Variants in CCN5 observed in about 807,000 individuals in gnomAD.
CCN5 encodes the protein CCN family member 5.
CCN5 carries 17 observed loss-of-function variants against 18.7 expected under a neutral mutation model. That is an observed-to-expected ratio of 0.91 (90% CI 0.62 to 1.36). CCN5 has a LOEUF of 1.36. CCN5 is among the 40% of genes most tolerant of loss of function. The pLI is 0.00. For synonymous variants in CCN5, 135 were observed against 145.2 expected (o/e 0.93, Z 0.50); for missense variants, 367 against 342.9 (o/e 1.07, Z -0.56).
rs376593652 is a variant in CCN5 at position 44,720,072 on chromosome 20, A to T, written c.236A>T (p.Gln79Leu). ...VCDASQGLVC[Q>L]PGAGPGGRGA... ...GACGCCAGCCAGGGCCTGGTCTGCC[A>T]GCCCGGGGCAGGACCCGGTGGCCGG... The change falls in exon 2 of 4, where the codon CAG becomes CTG. Residue 79 changes from glutamine (Q) to leucine (L), a missense_variant. Physicochemically the swap from Gln to Leu is moderately radical, Grantham distance 113. Transcript: ENST00000190983. 5.1e-6 allele frequency: 8 copies of T among 1,577,370 alleles called. No individual in the cohort carries two copies. The highest frequency in any genetic ancestry group is 6.9e-6 in the Non-Finnish European group (8 of 1,167,680).
At chr20:44,716,449 C>G (rs1221287190) in intron 1 of CCN5, among the ~76,000 whole-genome samples, 1 of 152,230 alleles carries the variant, frequency 6.6e-6, no homozygotes, top group African/African-American at 2.4e-5. Flanking sequence ...GAGAACCACG[C>G]TGGCATCCTG....
chr20:44,725,102 T>TCA, intron 3 of CCN5, 110 bp downstream of exon 3: 3 of 1,369,520 alleles, frequency 2.2e-6, no homozygotes, highest in Non-Finnish European at 2.8e-6. Context: ...CAGGGACACA[T>TCA]CAGAAGCTGG....
At chr20:44,717,833 C>T (rs1459095118) in intron 1 of CCN5, among the ~76,000 whole-genome samples, 9 of 149,238 alleles carry the variant, frequency 6.0e-5, no homozygotes, top group Admixed American at 2.7e-4. Flanking sequence ...GAGTCGAGAT[C>T]GTGCCACTGC....
At chr20:44,717,024 A>G (rs2065864271) in intron 1 of CCN5, among the ~76,000 whole-genome samples, 1 of 152,136 alleles carries the variant, frequency 6.6e-6, no homozygotes, top group Non-Finnish European at 1.5e-5. Flanking sequence ...CCTGCCCCAG[A>G]TATCATGAGC....
At chr20:44,715,260 TGAGCGCGCGCGCGC>T (rs2065849567), upstream of CCN5, 2 of 190,916 alleles carry the variant, frequency 1.0e-5, no homozygotes, top group South Asian at 7.2e-5. Context: ...TGTGTGTGTG[TGAGCGCGCGCGCGC>T]GCGCGCGTGT....
chr20:44,725,043 G>A, intron 3 of CCN5, 51 bp downstream of exon 3: 1 of 1,466,294 alleles, frequency 6.8e-7, no homozygotes, highest in Non-Finnish European at 9.0e-7. Flanking sequence ...GGGGCGCCAA[G>A]GGCCACCTAG....
intron 3 of CCN5, among the ~76,000 whole-genome samples, chr20:44,726,609 A>G (rs2065937675): frequency 1.3e-5 from 2 of 152,100 alleles, no homozygotes; most frequent in African/African-American, 2.4e-5. Flanking sequence ...TTCTAGTGTA[A>G]GACTAGAAGG....
chr20:44,722,072 C>G (rs1254628399), intron 2 of CCN5, among the ~76,000 whole-genome samples: 1 of 152,204 alleles, frequency 6.6e-6, no homozygotes, highest in Non-Finnish European at 1.5e-5. Context: ...ACTTGGGTCC[C>G]TGGTCCTTCC....
chr20:44,721,242 C>T (rs1325902533), intron 2 of CCN5: 1 of 151,518 alleles, frequency 6.6e-6, no homozygotes, highest in Admixed American at 6.6e-5. Context: ...CACAGTGACT[C>T]ATGCCTATAA....
chr20:44,724,738 T>G lies in CCN5; in HGVS notation c.278T>G (p.Leu93Trp), dbSNP rs1056327406. The G allele has an allele frequency of 5.0e-6, 8 of 1,612,618 alleles. No homozygotes were observed. Among genetic ancestry groups the G allele is most frequent in the Non-Finnish European group, 6.8e-6 (8 of 1,179,752 alleles). The change falls in exon 3 of 4, where the codon TTG (leucine) becomes TGG (tryptophan). Residue 93 changes from leucine to tryptophan, a missense_variant and splice_region_variant. Leu to Trp is a moderately conservative substitution (Grantham distance 61). Coordinates refer to ENST00000190983, the MANE Select transcript of CCN5 (RefSeq NM_003881.4). ...GPGGRGALCL[L>W]AEDDSSCEVN... ...TGGGGGTGCGGTTTTTCCTCCGCAGTGGCAGAGGACGACAGCAGCTGTGAG... is the reference window on the plus strand; with the variant it reads ...TGGGGGTGCGGTTTTTCCTCCGCAGGGGCAGAGGACGACAGCAGCTGTGAG...
At position 44,727,479 on chromosome 20, in the gene CCN5, G is replaced by T; in HGVS notation, c.*172G>T. 1 of 1,425,344 alleles carries T rather than the reference G, an allele frequency of 7.0e-7. No individual in the cohort carries two copies. The highest frequency in any genetic ancestry group is 1.6e-5 in the South Asian group (1 of 63,712). 88.3% of individuals were successfully genotyped at this position (1,425,344 alleles called of 1,614,324 possible). On this transcript the variant is annotated 3_prime_UTR_variant, in exon 4 of 4. Coordinates refer to ENST00000190983, the MANE Select transcript of CCN5 (RefSeq NM_003881.4). ...ATTAACACGCTGCCTGGTCTGTCTG[G>T]ATCCCGAGGTATGGCAGAGGTGCAA...
rs970130464 is a variant in CCN5 at position 44,715,462 on chromosome 20, C to T, written c.60+12C>T. 2.5e-6 allele frequency: 4 copies of T among 1,585,784 alleles called. No homozygotes were observed. Among genetic ancestry groups the T allele is most frequent in the Admixed American group, 1.8e-5 (1 of 56,270 alleles). On this transcript the variant is annotated intron_variant, in intron 1 of 3. Coordinates refer to ENST00000190983, the MANE Select transcript of CCN5 (RefSeq NM_003881.4). ...GCCTCCTCTCAAAGGTAAGGAGGCC[C>T]GGGCCCTGGAATGCACTGCTGACTA... is the stretch of plus-strand genomic sequence containing the variant.
intron 1 of CCN5, among the ~76,000 whole-genome samples, chr20:44,718,173 C>T (rs1234886040): frequency 1.3e-5 from 2 of 152,154 alleles, no homozygotes; most frequent in Non-Finnish European, 2.9e-5. Flanking sequence ...GGGCTGTGAT[C>T]GCCTCCTACT....
chr20:44,717,208 G>A (rs1443012132), intron 1 of CCN5, among the ~76,000 whole-genome samples: 1 of 152,154 alleles, frequency 6.6e-6, no homozygotes, highest in African/African-American at 2.4e-5. Flanking sequence ...TCTTTAAAAT[G>A]GGCATAATGA....
rs1251620776 is a variant in CCN5, at chr20:44,720,044, T to A, written c.208T>A (p.Cys70Ser). The change falls in exon 2 of 4, where the codon TGC (cysteine) becomes AGC (serine). Residue 70 changes from cysteine to serine, a missense_variant. Transcript: ENST00000190983. ...LGEPCDQLHV[C>S]DASQGLVCQP... ...GGAGCCCTGCGACCAACTCCACGTCTGCGACGCCAGCCAGGGCCTGGTCTG... is the reference window on the plus strand; with the variant it reads ...GGAGCCCTGCGACCAACTCCACGTCAGCGACGCCAGCCAGGGCCTGGTCTG... 6.3e-7 allele frequency: 1 copy of A among 1,596,412 alleles called. No individual in the cohort carries two copies. The highest frequency in any genetic ancestry group is 1.1e-5 in the South Asian group (1 of 89,638).
chr20:44,727,052 C>T, intron 3 of CCN5, 35 bp from the exon 4 acceptor site: 1 of 1,496,578 alleles, frequency 6.7e-7, no homozygotes, highest in Non-Finnish European at 8.9e-7. Flanking sequence ...TGAGCCCTGG[C>T]TGCTCAGTGC....
At position 44,715,395 on chromosome 20, in the gene CCN5, G is replaced by A. The variant is rs2065852267; in HGVS notation, c.5G>A (p.Arg2Lys). 1 of 1,602,508 alleles carries A rather than the reference G, an allele frequency of 6.2e-7. No homozygotes were observed. The highest frequency in any genetic ancestry group is 8.5e-7 in the Non-Finnish European group (1 of 1,175,004). Residue 2 changes from arginine (R) to lysine (K), a missense_variant, in exon 1 of 4, where the codon AGA becomes AAA. Arg to Lys is a conservative substitution (Grantham distance 26). Coordinates refer to ENST00000190983, the MANE Select transcript of CCN5 (RefSeq NM_003881.4). M[R>K]GTPKTHLLAF... is the part of the protein sequence containing the mutation. ...AAAGCTGGCTCTGCAGGGGACATGA[G>A]AGGCACACCGAAGACCCACCTCCTG... is the stretch of plus-strand genomic sequence containing the variant.
chr20:44,718,043 C>G (rs1445924840), intron 1 of CCN5, among the ~76,000 whole-genome samples: 2 of 152,168 alleles, frequency 1.3e-5, no homozygotes, highest in Non-Finnish European at 2.9e-5. Context: ...CCTTGAGGGG[C>G]GAGGCTAGGC....
chr20:44,727,243 G>T lies in CCN5; in HGVS notation c.689G>T (p.Arg230Leu), dbSNP rs1044144376. The change falls in exon 4 of 4, where the codon CGC (arginine) becomes CTC (leucine). Residue 230 changes from arginine to leucine, a missense_variant. Arg to Leu is a moderately radical substitution (Grantham distance 102). Coordinates refer to ENST00000190983, the MANE Select transcript of CCN5 (RefSeq NM_003881.4). ...TTCTGCCGACTGGAGACCCAGCGCC[G>T]CCTGTGCCTGTCCAGGCCCTGCCCA... is the stretch of plus-strand genomic sequence containing the variant. ...NRFCRLETQR[R>L]LCLSRPCPPS... is the part of the protein sequence containing the mutation. 2.5e-6 allele frequency: 4 copies of T among 1,613,476 alleles called. No individual in the cohort carries two copies. The African/African-American group carries it at 5.3e-5, about 22-fold the overall frequency.
Sources: allele counts gnomAD v4.1 joint callset (sites outside exome capture counted in the v4.1 genomes callset), GRCh38; gene constraint gnomAD v4.1.1; transcripts MANE v1.5; gene names NCBI Gene and HGNC (gene_info 2026-07-23, HGNC 2026-07-21).